Variants in COQ6 observed in about 807,000 individuals in gnomAD.
The protein encoded by COQ6 is ubiquinone biosynthesis monooxygenase COQ6, mitochondrial.
COQ6 carries 45 observed loss-of-function variants against 55.5 expected under a neutral mutation model. That is an observed-to-expected ratio of 0.81 (90% confidence interval 0.64 to 1.04). The LOEUF (loss-of-function observed/expected upper bound fraction) is 1.04. Among genes scored for constraint, COQ6 ranks in the 50% least tolerant of loss-of-function variants. The pLI is 0.00. For synonymous variants in COQ6, 206 were observed against 230.5 expected (o/e 0.89, Z 0.96); for missense variants, 550 against 601.3 (o/e 0.91, Z 0.89).
rs869273031 is a variant in COQ6, at chr14:73,952,114, CTTTTTTTTTTT to C, written c.164-1306_164-1296del. Among the ~76,000 whole-genome samples the C allele has an allele frequency of 7.9e-3, 580 of 73,818 alleles. 7 individuals are homozygous for C. The highest frequency in any genetic ancestry group is 0.022 in the African/African-American group (472 of 21,936). The allele number at this position is 73,818 out of a possible 152,430, so 48.4% of individuals were successfully genotyped here. ...TCACTGTCTGTATGGCTGGAGCTAA[CTTTTTTTTTTT>C]TTTTTTTTTTTTTTGAGACAGAGTC... On this transcript the variant is annotated intron_variant, in intron 1 of 11. Transcript: ENST00000334571.
intron 1 of COQ6, among the ~76,000 whole-genome samples, chr14:73,950,798 C>G (rs1189731392): frequency 2.0e-5 from 3 of 152,122 alleles, no homozygotes; most frequent in Admixed American, 1.3e-4. Flanking sequence ...TTGTCATTGT[C>G]TTTTTGTTTA....
At chr14:73,958,902 G>A in intron 5 of COQ6, 69 bp from the exon 6 acceptor site, 1 of 1,595,402 alleles carries the variant, frequency 6.3e-7, no homozygotes, top group Non-Finnish European at 8.5e-7. Context: ...ACTTTAGGGA[G>A]CAGAGAAAAA....
chr14:73,953,710 G>A (rs980866445), intron 2 of COQ6, 141 bp downstream of exon 2: 14 of 1,091,094 alleles, frequency 1.3e-5, no homozygotes, highest in African/African-American at 1.1e-4. Flanking sequence ...GGGATTGGTA[G>A]TCTAGGGCAG....
chr14:73,959,582 T>G, intron 8 of COQ6, 60 bp downstream of exon 8: 2 of 836,426 alleles, frequency 2.4e-6, no homozygotes, highest in Middle Eastern at 2.6e-4. Flanking sequence ...AAAGGTGTTG[T>G]TTTTTTTTTT....
At chr14:73,952,050 GC>G (rs1160657742) in intron 1 of COQ6, among the ~76,000 whole-genome samples, 8 of 145,748 alleles carry the variant, frequency 5.5e-5, no homozygotes, top group African/African-American at 2.0e-4. Flanking sequence ...ATGTCCCTGT[GC>G]CCCATCCTCC....
intron 2 of COQ6, among the ~76,000 whole-genome samples, chr14:73,954,263 T>C (rs969378213): frequency 9.2e-5 from 14 of 152,300 alleles, no homozygotes; most frequent in African/African-American, 2.9e-4. Context: ...TCAGTAAATA[T>C]TTCCTCAATG....
At chr14:73,962,018 A>C in intron 11 of COQ6, 115 bp downstream of exon 11, 2 of 1,214,026 alleles carry the variant, frequency 1.6e-6, no homozygotes, top group Non-Finnish European at 1.2e-6. Flanking sequence ...CACAATTTCC[A>C]CTCACTGCAG....
intron 4 of COQ6, 33 bp downstream of exon 4, chr14:73,955,961 G>A: frequency 6.2e-7 from 1 of 1,613,402 alleles, no homozygotes; most frequent in Non-Finnish European, 8.5e-7. Flanking sequence ...TGCATTCATT[G>A]GGAAGTGAAC....
chr14:73,958,116 A>G (rs773507520), intron 4 of COQ6, 31 bp from the exon 5 acceptor site: 1 of 1,592,572 alleles, frequency 6.3e-7, no homozygotes, highest in African/African-American at 1.3e-5. Context: ...CCACCTTTCT[A>G]ATTTTTTTTC....
At chr14:73,952,885 T>A (rs2056255594) in intron 1 of COQ6, among the ~76,000 whole-genome samples, 2 of 151,688 alleles carry the variant, frequency 1.3e-5, no homozygotes. Flanking sequence ...CCATGTTGGC[T>A]AGGCTGGTCT....
At chr14:73,951,429 C>A (rs2056187912) in intron 1 of COQ6, among the ~76,000 whole-genome samples, 1 of 151,374 alleles carries the variant, frequency 6.6e-6, no homozygotes, top group Admixed American at 6.6e-5. Context: ...GGATGGAGTA[C>A]AATGGCACGA....
intron 4 of COQ6, 105 bp from the exon 5 acceptor site, chr14:73,958,042 A>G (rs1334245716): frequency 1.1e-6 from 1 of 885,452 alleles, no homozygotes; most frequent in Non-Finnish European, 1.9e-6. Flanking sequence ...TTAAATGACA[A>G]GACACTGCTG....
chr14:73,949,944 C>G (rs765101227), upstream of COQ6: 9 of 1,612,188 alleles, frequency 5.6e-6, no homozygotes, highest in Non-Finnish European at 7.6e-6. Context: ...GGATTCCTTT[C>G]CCGGGGGCAG....
chr14:73,958,900 G>A (rs2056571731), intron 5 of COQ6, 71 bp from the exon 6 acceptor site: 3 of 1,593,490 alleles, frequency 1.9e-6, no homozygotes, highest in Middle Eastern at 2.2e-4. Context: ...AAACTTTAGG[G>A]AGCAGAGAAA....
In COQ6 at chr14:73,950,322, A is replaced by T; in HGVS notation, c.-11A>T. The T allele has an allele frequency of 6.5e-7, 1 of 1,548,480 alleles. No individual in the cohort carries two copies. Among genetic ancestry groups the T allele is most frequent in the Admixed American group, 1.9e-5 (1 of 51,610 alleles). On this transcript the variant is annotated 5_prime_UTR_variant, in exon 1 of 12. Coordinates refer to ENST00000334571, the MANE Select transcript of COQ6 (RefSeq NM_182476.3). Reference sequence around the variant, plus strand: ...GCGGGAGTTCTGAGTGCGACGGCGCAGGTCTGCACCATGGCGGCCCGGCTT... The same window carrying T: ...GCGGGAGTTCTGAGTGCGACGGCGCTGGTCTGCACCATGGCGGCCCGGCTT...
chr14:73,960,933 A>G (rs912467159), intron 8 of COQ6: 4 of 602,780 alleles, frequency 6.6e-6, no homozygotes, highest in Non-Finnish European at 8.9e-6. Flanking sequence ...GACTAGTGAA[A>G]GGTGAAGCTC....
chr14:73,950,957 G>A (rs1029956781), intron 1 of COQ6, among the ~76,000 whole-genome samples: 7 of 152,126 alleles, frequency 4.6e-5, no homozygotes, highest in African/African-American at 1.4e-4. Context: ...CCCTTTGCCC[G>A]GTTTTTAATT....
intron 1 of COQ6, among the ~76,000 whole-genome samples, chr14:73,951,649 A>ATT (rs35049412): frequency 0.31 from 42,263 of 135,574 alleles, 8,142 homozygotes; most frequent in Non-Finnish European, 0.43. Context: ...TTTTTTTGTG[A>ATT]TTTTTTTTTT....
At chr14:73,955,533 T>C in intron 3 of COQ6, 24 bp downstream of exon 3, 2 of 1,607,008 alleles carry the variant, frequency 1.2e-6, no homozygotes, top group Non-Finnish European at 1.7e-6. Flanking sequence ...TTTTCAATTT[T>C]GTCAAGATGT....
Sources: allele counts gnomAD v4.1 joint callset (sites outside exome capture counted in the v4.1 genomes callset), GRCh38; gene constraint gnomAD v4.1.1; transcripts MANE v1.5; gene names NCBI Gene and HGNC (gene_info 2026-07-23, HGNC 2026-07-21).